Variants in DSG1 observed in about 807,000 individuals in gnomAD.
DSG1 encodes desmoglein-1.
A neutral mutation model predicts 97.5 loss-of-function variants in DSG1; 39 were observed. The ratio of observed to expected loss-of-function variants is 0.40; its 90% CI spans 0.31 to 0.52. The LOEUF (loss-of-function observed/expected upper bound fraction) is 0.52, where lower values mean the gene tolerates loss of function less well. DSG1 is among the 20% of genes least tolerant of loss of function. The pLI is 0.53. For synonymous variants in DSG1, 475 were observed against 443.4 expected (o/e 1.07, Z -0.90); for missense variants, 1,311 against 1,295.4 (o/e 1.01, Z -0.18).
rs1320518710 is a variant in DSG1 at position 31,354,406 on chromosome 18, G to C, written c.2210G>C (p.Ser737Thr). 1.9e-6 allele frequency: 3 copies of C among 1,614,086 alleles called. No homozygotes were observed. Among genetic ancestry groups the C allele is most frequent in the African/African-American group, 2.7e-5 (2 of 74,928 alleles). ...CCTGCTGGCTCTGTGGGTTGTTGTAGCTTCATTGGAGAAGACCTGGATGAC... is the reference window on the plus strand; with the variant it reads ...CCTGCTGGCTCTGTGGGTTGTTGTACCTTCATTGGAGAAGACCTGGATGAC... ...GSPAGSVGCC[S>T]FIGEDLDDSF... Residue 737 changes from serine to threonine, a missense_variant, in exon 15 of 15, where the codon AGC (serine) becomes ACC (threonine). Ser to Thr is a moderately conservative substitution (Grantham distance 58). Coordinates refer to ENST00000257192, the MANE Select transcript of DSG1 (RefSeq NM_001942.4).
Position 31,327,024 on chromosome 18 carries a change from G to T in DSG1, c.216+19G>T. 1 of 1,613,366 alleles carries T rather than the reference G, an allele frequency of 6.2e-7. No homozygotes were observed. Among genetic ancestry groups the T allele is most frequent in the Non-Finnish European group, 8.5e-7 (1 of 1,179,556 alleles). The stretch of plus-strand genomic sequence containing the variant: ...CGCCAAAGTAGGTATCAACTCCAAA[G>T]CATAACATTGAAAATCAGAATGGAT... On this transcript the variant is annotated intron_variant, in intron 3 of 14. Transcript: ENST00000257192.
At chr18:31,323,129 AC>A (rs1264073350) in intron 1 of DSG1, among the ~76,000 whole-genome samples, 1 of 152,126 alleles carries the variant, frequency 6.6e-6, no homozygotes, top group Non-Finnish European at 1.5e-5. Flanking sequence ...TTAATGACTT[AC>A]CCCAAAGTCC....
At chr18:31,338,533 A>G in intron 10 of DSG1, 79 bp downstream of exon 10, 1 of 1,501,366 alleles carries the variant, frequency 6.7e-7, no homozygotes, top group African/African-American at 1.4e-5. Flanking sequence ...TAACTATCAC[A>G]TTTTGAAGTA....
At chr18:31,342,187 C>G (rs1047269433) in intron 11 of DSG1, among the ~76,000 whole-genome samples, 1 of 152,126 alleles carries the variant, frequency 6.6e-6, no homozygotes, top group Non-Finnish European at 1.5e-5. Context: ...CCGCTTTGGC[C>G]TCTCAAAGTG....
intron 11 of DSG1, among the ~76,000 whole-genome samples, chr18:31,340,972 T>C: frequency 6.6e-6 from 1 of 152,214 alleles, no homozygotes. Context: ...ATACTTACCT[T>C]AAAACAGTGC....
At chr18:31,331,913 T>C (rs1226761061) in intron 6 of DSG1, 46 bp downstream of exon 6, 12 of 1,575,776 alleles carry the variant, frequency 7.6e-6, no homozygotes, top group South Asian at 1.1e-5. Flanking sequence ...AAGGAACTGA[T>C]TCTAAAAGCA....
At chr18:31,340,870 G>A (rs1000384195) in intron 11 of DSG1, among the ~76,000 whole-genome samples, 3 of 152,218 alleles carry the variant, frequency 2.0e-5, no homozygotes, top group Admixed American at 1.3e-4. Context: ...CAAATAGACC[G>A]AGGGTTAAAC....
At chr18:31,332,941 G>A (rs2071729758) in intron 6 of DSG1, among the ~76,000 whole-genome samples, 1 of 152,136 alleles carries the variant, frequency 6.6e-6, no homozygotes, top group African/African-American at 2.4e-5. Context: ...AGAAGGAAAG[G>A]GACTCTGCAG....
At chr18:31,347,848 G>A (rs1287964957) in intron 14 of DSG1, 2 of 151,892 alleles carry the variant, frequency 1.3e-5, no homozygotes, top group African/African-American at 2.4e-5. Context: ...AATCCTGAGT[G>A]AACCCAACTC....
In DSG1 at chr18:31,330,172, AACT is replaced by A. The variant is rs2071711613; in HGVS notation, c.517+139_517+141del. The A allele has an allele frequency of 8.7e-6, 10 of 1,144,346 alleles. No individual in the cohort carries two copies. The East Asian group carries it at 2.5e-4, about 29-fold the overall frequency. 70.9% of individuals were successfully genotyped at this position (1,144,346 alleles called of 1,614,324 possible). ...TGCAGAATAGCAAGTCTTTCCTTTC[AACT>A]ACGGAAGCAGCTCCAAACTGAGGGA... On this transcript the variant is annotated intron_variant, in intron 5 of 14. Transcript: ENST00000257192.
In DSG1 at chr18:31,346,211, G is replaced by A; in HGVS notation, c.2100+13G>A. 2 of 1,605,542 alleles carry A rather than the reference G, an allele frequency of 1.2e-6. No individual in the cohort carries two copies. Among genetic ancestry groups the A allele is most frequent in the Non-Finnish European group, 1.7e-6 (2 of 1,172,372 alleles). On this transcript the variant is annotated intron_variant, in intron 14 of 14. Transcript: ENST00000257192. ...CTACTTCTGTCAGGTAAGGTCCCTA[G>A]CCACATGCCTTTCTCGCCATCCATG...
intron 1 of DSG1, among the ~76,000 whole-genome samples, chr18:31,324,682 T>C (rs1178916458): frequency 6.6e-6 from 1 of 152,136 alleles, no homozygotes; most frequent in Non-Finnish European, 1.5e-5. Flanking sequence ...CTGCCAATGC[T>C]ATGCTGCAGT....
chr18:31,354,322 A>T lies in DSG1; in HGVS notation c.2126A>T (p.Asp709Val). The T allele has an allele frequency of 6.2e-7, 1 of 1,614,208 alleles. No homozygotes were observed. Among genetic ancestry groups the T allele is most frequent in the Non-Finnish European group, 8.5e-7 (1 of 1,180,030 alleles). ...CQKAYAYADE[D>V]EGRPSNDCLL... ...AAAGCATATGCTTACGCAGATGAAG[A>T]TGAAGGACGCCCATCTAATGACTGT... The change falls in exon 15 of 15, where the codon GAT (aspartate) becomes GTT (valine). Residue 709 changes from aspartate (D) to valine (V), a missense_variant. Coordinates refer to ENST00000257192, the MANE Select transcript of DSG1 (RefSeq NM_001942.4).
intron 3 of DSG1, among the ~76,000 whole-genome samples, chr18:31,327,676 T>C (rs543078271): frequency 6.6e-6 from 1 of 152,242 alleles, no homozygotes; most frequent in Admixed American, 6.5e-5. Flanking sequence ...AATACACCCT[T>C]CCCATTTTCA....
rs1348931149 is a variant in DSG1 at position 31,327,000 on chromosome 18, G to A, written c.211G>A (p.Ala71Thr). 14 of 1,613,656 alleles carry A rather than the reference G, an allele frequency of 8.7e-6. No individual in the cohort carries two copies. Among genetic ancestry groups the A allele is most frequent in the South Asian group, 2.2e-5 (2 of 91,072 alleles). The change falls in exon 3 of 15, where the codon GCC becomes ACC. Residue 71 changes from alanine (A) to threonine (T), a missense_variant. Ala to Thr is a moderately conservative substitution (Grantham distance 58). Transcript: ENST00000257192. ...GEDNSKRNPI[A>T]KIHSDCAANQ... ...AGACAACTCAAAGAGGAACCCAATC[G>A]CCAAAGTAGGTATCAACTCCAAAGC...
intron 1 of DSG1, among the ~76,000 whole-genome samples, chr18:31,322,117 C>T (rs8091579): frequency 0.38 from 58,322 of 152,076 alleles, 12,735 homozygotes; most frequent in Non-Finnish European, 0.49. Flanking sequence ...TTTTCATACT[C>T]GTCTAATGAG....
chr18:31,342,569 A>C (rs1418331768), intron 11 of DSG1, among the ~76,000 whole-genome samples: 1 of 152,210 alleles, frequency 6.6e-6, no homozygotes, highest in Non-Finnish European at 1.5e-5. Context: ...GCTGATAATA[A>C]ATAGATAAAT....
intron 5 of DSG1, 128 bp from the exon 6 acceptor site, chr18:31,331,573 A>G: frequency 1.3e-6 from 1 of 796,978 alleles, no homozygotes; most frequent in Non-Finnish European, 2.1e-6. Context: ...GAAGGAGTAG[A>G]AAGGGAAGAC....
intron 4 of DSG1, among the ~76,000 whole-genome samples, chr18:31,329,286 T>C (rs2071706044): frequency 6.6e-6 from 1 of 152,084 alleles, no homozygotes; most frequent in African/African-American, 2.4e-5. Context: ...AAAGAAACCC[T>C]ATTTTGCTCC....
Sources: gnomAD v4.1 joint callset for allele counts (sites outside exome capture counted in the v4.1 genomes callset) on GRCh38, gnomAD v4.1.1 for gene constraint, MANE v1.5 for transcripts, NCBI Gene and HGNC (gene_info 2026-07-23, HGNC 2026-07-21) for gene names.